Variants in CEP83 observed in about 807,000 individuals in gnomAD.
CEP83 encodes centrosomal protein 83.
Under a neutral mutation model 101.9 loss-of-function variants are expected in CEP83, and 70 were observed. The observed-to-expected ratio is 0.69, with a 90% CI of 0.57 to 0.84. The LOEUF is 0.84. CEP83 is among the 40% of genes least tolerant of loss of function. The probability of loss-of-function intolerance (pLI) is 0.00; values close to 1 mark genes in which losing one functional copy is unlikely to be tolerated. For synonymous variants in CEP83, 264 were observed against 267.9 expected, an observed-to-expected ratio of 0.99 and a Z score of 0.14; for missense variants, 715 against 787.2, an observed-to-expected ratio of 0.91 and a Z score of 1.10.
intron 11 of CEP83, among the ~76,000 whole-genome samples, chr12:94,365,171 G>A (rs978721746): frequency 6.6e-6 from 1 of 151,858 alleles, no homozygotes; most frequent in African/African-American, 2.4e-5. Flanking sequence ...GGGAAAAAAG[G>A]CCAAAAAAAC....
At chr12:94,302,885 T>C (rs1169493504), downstream of CEP83, among the ~76,000 whole-genome samples, 2 of 152,178 alleles carry the variant, frequency 1.3e-5, no homozygotes, top group African/African-American at 2.4e-5. Context: ...TTAATAATGT[T>C]TATTGAATGA....
chr12:94,411,276 T>C (rs191349295), intron 4 of CEP83, among the ~76,000 whole-genome samples: 32 of 152,302 alleles, frequency 2.1e-4, no homozygotes, highest in African/African-American at 7.7e-4. Context: ...ACATAAATTA[T>C]GTTCACATAC....
rs145980845 is a variant in CEP83, at chr12:94,443,675, T to C, written c.-154-8348A>G. Among the ~76,000 whole-genome samples, 125 of 151,982 alleles carry C rather than the reference T, an allele frequency of 8.2e-4. 1 individual carries two copies. The East Asian group carries it at 0.022, about 27-fold the overall frequency. On this transcript the variant is annotated intron_variant, in intron 1 of 16. Transcript: ENST00000397809. ...CGGCTATTTTTTGTATTTTTAGAGA[T>C]AGGGTTTCACCATGTTGGCAAGGCT... is the stretch of plus-strand genomic sequence containing the variant.
At chr12:94,300,505 T>C in the CEP83 span, among the ~76,000 whole-genome samples, 1 of 152,116 alleles carries the variant, frequency 6.6e-6, no homozygotes, top group South Asian at 2.1e-4. Flanking sequence ...ATGCAGGGTG[T>C]TATCCAGAGG....
At chr12:94,295,729 C>G in the CEP83 span, among the ~76,000 whole-genome samples, 1 of 152,178 alleles carries the variant, frequency 6.6e-6, no homozygotes, top group Non-Finnish European at 1.5e-5. Context: ...TAATGGCACA[C>G]AGTGGGTCAC....
chr12:94,400,949 C>A lies in CEP83; in HGVS notation c.450G>T (p.Lys150Asn), dbSNP rs369901365. Residue 150 changes from lysine to asparagine, a missense_variant, in exon 6 of 17, where the codon AAG becomes AAT. Lys to Asn is a moderately conservative substitution (Grantham distance 94, BLOSUM62 0). Coordinates refer to ENST00000397809, the MANE Select transcript of CEP83 (RefSeq NM_016122.3). ...TGAGAAATGTATGTTCATAGCGAAG[C>A]TTATTATATACAGCTCTATACTTTT... ...EVEKYRAVYNKLRYEHTFLKS... is the reference protein window; with the variant it reads ...EVEKYRAVYNNLRYEHTFLKS... 1 of 1,502,810 alleles carries A rather than the reference C, an allele frequency of 6.7e-7. No individual in the cohort carries two copies. Among genetic ancestry groups the A allele is most frequent in the African/African-American group, 1.4e-5 (1 of 71,062 alleles). The allele number at this position is 1,502,810 out of a possible 1,614,324, so 93.1% of individuals were successfully genotyped here. A position where few individuals can be genotyped will look rare whatever the true frequency, so the allele number is the denominator to read the frequency against.
At chr12:94,317,035 A>T (rs1399459911) in intron 14 of CEP83, among the ~76,000 whole-genome samples, 1 of 152,102 alleles carries the variant, frequency 6.6e-6, no homozygotes, top group East Asian at 1.9e-4. Context: ...TTACACTCCC[A>T]CCAACAGTGT....
chr12:94,362,140 A>G (rs996198503), intron 11 of CEP83, among the ~76,000 whole-genome samples: 4 of 152,240 alleles, frequency 2.6e-5, no homozygotes, highest in African/African-American at 4.8e-5. Flanking sequence ...ATTGTTCAAC[A>G]TAACTATTTA....
the CEP83 span, among the ~76,000 whole-genome samples, chr12:94,301,250 A>C: frequency 1.3e-5 from 2 of 152,216 alleles, no homozygotes; most frequent in Non-Finnish European, 2.9e-5. Context: ...TAAAGTGAAA[A>C]ACAAAATAAT....
At chr12:94,339,539 T>C (rs999681111) in intron 11 of CEP83, among the ~76,000 whole-genome samples, 1 of 152,222 alleles carries the variant, frequency 6.6e-6, no homozygotes, top group Admixed American at 6.5e-5. Flanking sequence ...CATCTGTGAC[T>C]AGTAATATCA....
chr12:94,293,562 T>TCTTGTATC, the CEP83 span, among the ~76,000 whole-genome samples: 1 of 152,196 alleles, frequency 6.6e-6, no homozygotes, highest in Non-Finnish European at 1.5e-5. Context: ...AGAGCCGTCT[T>TCTTGTATC]CTTGTATCCT....
intron 1 of CEP83, among the ~76,000 whole-genome samples, chr12:94,441,520 A>G (rs2066394481): frequency 6.6e-6 from 1 of 152,222 alleles, no homozygotes; most frequent in Non-Finnish European, 1.5e-5. Flanking sequence ...AAAAAATAAT[A>G]GATGGTGACA....
chr12:94,401,010 T>G (rs780356692), intron 5 of CEP83, 29 bp from the exon 6 acceptor site: 1 of 1,282,530 alleles, frequency 7.8e-7, no homozygotes, highest in Non-Finnish European at 1.0e-6. Flanking sequence ...TATCATAGAT[T>G]TATAAACAAA....
At chr12:94,289,908 T>A in the CEP83 span, among the ~76,000 whole-genome samples, 1 of 152,268 alleles carries the variant, frequency 6.6e-6, no homozygotes. Context: ...TCTTGGGAGA[T>A]AATTTCAGAG....
Position 94,331,703 on chromosome 12 carries a change from T to C in CEP83, c.1704A>G (p.Lys568=). 2 of 1,613,698 alleles carry C rather than the reference T, an allele frequency of 1.2e-6. No individual in the cohort carries two copies. Among genetic ancestry groups the C allele is most frequent in the Non-Finnish European group, 1.7e-6 (2 of 1,179,936 alleles). Residue 568 remains lysine (K), a synonymous_variant, in exon 14 of 17, where the codon AAA becomes AAG. Coordinates refer to ENST00000397809, the MANE Select transcript of CEP83 (RefSeq NM_016122.3). ...EKLQRAAIAQ[K]KRKSLHENKL... is the part of the protein sequence containing the mutation. ...CACTTTAATAAGAACCACTTGCCTT[T>C]TTCTGGGCAATTGCAGCTCGCTGCA...
intron 1 of CEP83, among the ~76,000 whole-genome samples, chr12:94,443,112 C>T (rs912383843): frequency 1.3e-5 from 2 of 150,480 alleles, no homozygotes; most frequent in African/African-American, 4.8e-5. Context: ...CCCAGCTAAA[C>T]TCACAGCCCC....
chr12:94,317,424 C>A (rs766306699), intron 14 of CEP83, among the ~76,000 whole-genome samples: 36 of 152,276 alleles, frequency 2.4e-4, no homozygotes, highest in Non-Finnish European at 4.4e-4. Flanking sequence ...TTAATTAGAA[C>A]CCATTTATCA....
At chr12:94,455,540 C>A (rs183941148) in intron 1 of CEP83, among the ~76,000 whole-genome samples, 1 of 152,276 alleles carries the variant, frequency 6.6e-6, no homozygotes. Flanking sequence ...GCATTAGATA[C>A]AGGATTTTTG....
At chr12:94,305,163 T>C, downstream of CEP83, 1 of 1,505,666 alleles carries the variant, frequency 6.6e-7, no homozygotes, top group Non-Finnish European at 9.2e-7. Context: ...CTAAAATAAC[T>C]GTTCTAATTG....
Sources: gnomAD v4.1 joint callset for allele counts (sites outside exome capture counted in the v4.1 genomes callset) on GRCh38, gnomAD v4.1.1 for gene constraint, MANE v1.5 for transcripts, NCBI Gene and HGNC (gene_info 2026-07-23, HGNC 2026-07-21) for gene names.